APELA: variants seen among roughly 807,000 people sequenced by gnomAD.
APELA encodes protein Elabela.
chr4:164,878,774 A>T, intron 1 of APELA, 146 bp from the exon 2 acceptor site: 2 of 395,564 alleles, frequency 5.1e-6, no homozygotes, highest in Admixed American at 8.8e-5. Context: ...TATGCATCAC[A>T]TTGGTTTTTA....
intron 2 of APELA, among the ~76,000 whole-genome samples, chr4:164,884,156 AAAGG>A (rs1730722375): frequency 6.7e-6 from 1 of 149,290 alleles, no homozygotes; most frequent in Non-Finnish European, 1.5e-5. Flanking sequence ...AGAAAGAAAG[AAAGG>A]AGAAGAGAAA....
downstream of APELA, among the ~76,000 whole-genome samples, chr4:164,897,745 C>A (rs996341235): frequency 6.6e-6 from 1 of 152,192 alleles, no homozygotes; most frequent in African/African-American, 2.4e-5. Flanking sequence ...TACCAAAACA[C>A]AATAACCAGT....
At chr4:164,884,606 T>C (rs188412611) in intron 2 of APELA, among the ~76,000 whole-genome samples, 145 of 152,326 alleles carry the variant, frequency 9.5e-4, no homozygotes, top group Non-Finnish European at 1.9e-3. Context: ...TTGGACCTAC[T>C]AGATTCAAGC....
intron 2 of APELA, among the ~76,000 whole-genome samples, chr4:164,884,355 A>G (rs987447997): frequency 6.6e-6 from 1 of 152,058 alleles, no homozygotes; most frequent in Non-Finnish European, 1.5e-5. Flanking sequence ...CCTCCCAACT[A>G]TTTTCAACAC....
At chr4:164,890,136 A>G (rs1473641951) in intron 2 of APELA, among the ~76,000 whole-genome samples, 1 of 152,202 alleles carries the variant, frequency 6.6e-6, no homozygotes, top group Non-Finnish European at 1.5e-5. Flanking sequence ...TATTTTGAAC[A>G]ACGCTGCAGT....
chr4:164,891,848 T>A lies in APELA; in HGVS notation c.*2-3568T>A, dbSNP rs146288902. ...GTTCAAGCAAACATGTTTGTCTTAT[T>A]CTTGGTCCCAGATTTAGTCTTTCAT... On this transcript the variant is annotated intron_variant, in intron 2 of 2. Transcript: ENST00000507152. Among the ~76,000 whole-genome samples, 500 of 152,284 alleles carry A rather than the reference T, an allele frequency of 3.3e-3. 3 individuals are homozygous for A. The highest frequency in any genetic ancestry group is 0.011 in the African/African-American group (462 of 41,572).
chr4:164,888,308 G>A (rs1002568485), intron 2 of APELA, among the ~76,000 whole-genome samples: 1 of 152,258 alleles, frequency 6.6e-6, no homozygotes, highest in Non-Finnish European at 1.5e-5. Context: ...GACAGGCAGA[G>A]AATCAGGAAA....
chr4:164,877,685 T>G (rs1449287673), intron 1 of APELA, among the ~76,000 whole-genome samples: 1 of 152,224 alleles, frequency 6.6e-6, no homozygotes, highest in African/African-American at 2.4e-5. Context: ...GATTATGTTG[T>G]CTTTACAAGT....
Position 164,877,232 on chromosome 4 carries a change from C to A in APELA, c.-100C>A. ...CAGCTGGCAGTTCTCTGAGGTTTGT[C>A]ACTAGAATGTGAAGACAGCCACACA... On this transcript the variant is annotated 5_prime_UTR_variant, in exon 1 of 3. Transcript: ENST00000507152. 2.5e-6 allele frequency: 1 copy of A among 396,648 alleles called. No individual in the cohort carries two copies. The highest frequency in any genetic ancestry group is 1.3e-4 in the South Asian group (1 of 7,458). 24.6% of individuals were successfully genotyped at this position (396,648 alleles called of 1,614,324 possible).
chr4:164,889,952 A>T (rs955498936), intron 2 of APELA, among the ~76,000 whole-genome samples: 1 of 152,220 alleles, frequency 6.6e-6, no homozygotes, highest in African/African-American at 2.4e-5. Context: ...TGCAAATACT[A>T]CACCATTTTA....
intron 2 of APELA, among the ~76,000 whole-genome samples, chr4:164,890,696 CT>C (rs1359662072): frequency 6.6e-6 from 1 of 152,152 alleles, no homozygotes; most frequent in East Asian, 1.9e-4. Context: ...AATCATTCTG[CT>C]GTGAACATTA....
At chr4:164,890,698 G>C (rs1203842980) in intron 2 of APELA, among the ~76,000 whole-genome samples, 1 of 152,162 alleles carries the variant, frequency 6.6e-6, no homozygotes, top group East Asian at 1.9e-4. Flanking sequence ...TCATTCTGCT[G>C]TGAACATTAG....
intron 2 of APELA, 131 bp downstream of exon 2, chr4:164,879,140 A>T (rs866170206): frequency 5.1e-6 from 2 of 395,838 alleles, no homozygotes; most frequent in Non-Finnish European, 8.9e-6. Flanking sequence ...AGAGATGCAT[A>T]CCAATAAATG....
downstream of APELA, among the ~76,000 whole-genome samples, chr4:164,897,900 T>A (rs138006676): frequency 6.6e-6 from 1 of 152,180 alleles, no homozygotes; most frequent in Non-Finnish European, 1.5e-5. Context: ...CTTTTAATTA[T>A]CTTTCTTGGA....
At chr4:164,881,479 T>C (rs1730652149) in intron 2 of APELA, among the ~76,000 whole-genome samples, 1 of 152,186 alleles carries the variant, frequency 6.6e-6, no homozygotes, top group Non-Finnish European at 1.5e-5. Flanking sequence ...TCCCAGCCTA[T>C]GCAACTGAAT....
intron 2 of APELA, among the ~76,000 whole-genome samples, chr4:164,894,096 G>A (rs1381832183): frequency 6.6e-6 from 1 of 152,226 alleles, no homozygotes; most frequent in African/African-American, 2.4e-5. Context: ...GCCGAGGCAG[G>A]CAGATCACTT....
At chr4:164,890,027 G>C (rs145767387) in intron 2 of APELA, among the ~76,000 whole-genome samples, 5 of 152,246 alleles carry the variant, frequency 3.3e-5, no homozygotes, top group African/African-American at 1.2e-4. Context: ...AGTTCCCAGG[G>C]ATACTGAGGG....
At chr4:164,884,679 T>A (rs1366628359) in intron 2 of APELA, among the ~76,000 whole-genome samples, 2 of 152,134 alleles carry the variant, frequency 1.3e-5, no homozygotes, top group Non-Finnish European at 2.9e-5. Context: ...TCTCTGAGCT[T>A]CCCTCCACTT....
intron 2 of APELA, among the ~76,000 whole-genome samples, chr4:164,883,632 G>T (rs915223494): frequency 2.6e-5 from 4 of 151,762 alleles, no homozygotes; most frequent in Non-Finnish European, 4.4e-5. Context: ...CAGTACCGGT[G>T]TGTGCCAACG....
Sources: gnomAD v4.1 joint callset for allele counts (sites outside exome capture counted in the v4.1 genomes callset) on GRCh38, gnomAD v4.1.1 for gene constraint, MANE v1.5 for transcripts, NCBI Gene and HGNC (gene_info 2026-07-23, HGNC 2026-07-21) for gene names.